Variants in GOPC observed in about 807,000 individuals in gnomAD.
GOPC encodes Golgi-associated PDZ and coiled-coil motif-containing protein.
A neutral mutation model predicts 51.2 loss-of-function variants in GOPC; 32 were observed. The observed-to-expected ratio is 0.63, with a 90% CI of 0.47 to 0.84. GOPC has a LOEUF of 0.84. GOPC is among the 40% of genes least tolerant of loss of function. GOPC has a pLI of 0.00. For missense variants in GOPC, 441 were observed against 555.5 expected, an observed-to-expected ratio of 0.79 and a Z score of 2.07; for synonymous variants, 190 against 205.1, an observed-to-expected ratio of 0.93 and a Z score of 0.63.
chr6:117,590,627 C>T (rs981376069), intron 1 of GOPC, among the ~76,000 whole-genome samples: 9 of 146,574 alleles, frequency 6.1e-5, no homozygotes, highest in African/African-American at 2.3e-4. Context: ...TGTGATGCAA[C>T]GTGTGGTAAG....
chr6:117,598,124 T>G (rs181624678), intron 1 of GOPC, among the ~76,000 whole-genome samples: 2 of 150,778 alleles, frequency 1.3e-5, no homozygotes, highest in South Asian at 4.2e-4. Flanking sequence ...TTCGAGAGGT[T>G]GAGGCAGGAG....
chr6:117,568,415 G>A (rs1394829222), intron 7 of GOPC, among the ~76,000 whole-genome samples: 1 of 152,122 alleles, frequency 6.6e-6, no homozygotes. Context: ...AGCAGTTTAA[G>A]GTTATACCTC....
chr6:117,572,283 T>C (rs1779817924), intron 5 of GOPC, among the ~76,000 whole-genome samples: 1 of 152,138 alleles, frequency 6.6e-6, no homozygotes, highest in Non-Finnish European at 1.5e-5. Context: ...TTTCACTATT[T>C]AACCAAAAGC....
chr6:117,577,202 G>A (rs555043140), intron 3 of GOPC, among the ~76,000 whole-genome samples: 1 of 152,116 alleles, frequency 6.6e-6, no homozygotes, highest in East Asian at 1.9e-4. Flanking sequence ...CTCAAAAATT[G>A]TCAAAAATTG....
At position 117,577,518 on chromosome 6, in the gene GOPC, A is replaced by T. The variant is rs545994217; in HGVS notation, c.451-47T>A. 38 of 1,482,124 alleles carry T rather than the reference A, an allele frequency of 2.6e-5. No individual in the cohort carries two copies. In the South Asian group the frequency reaches 4.6e-4, roughly 18 times the overall value. 91.8% of individuals were successfully genotyped at this position (1,482,124 alleles called of 1,614,324 possible). ...TTTATAATTAGAAAAAGATCAAACAAATGATTTTATTTAGTGGTATAGTCA... is the reference window on the plus strand; with the variant it reads ...TTTATAATTAGAAAAAGATCAAACATATGATTTTATTTAGTGGTATAGTCA... On this transcript the variant is annotated intron_variant, in intron 2 of 8. Coordinates refer to ENST00000368498, the MANE Select transcript of GOPC (RefSeq NM_020399.4).
chr6:117,573,112 A>T (rs536332295), intron 5 of GOPC, among the ~76,000 whole-genome samples: 9 of 152,196 alleles, frequency 5.9e-5, no homozygotes, highest in South Asian at 2.1e-4. Flanking sequence ...CTACCCCAAA[A>T]TATCTGCCAA....
intron 1 of GOPC, among the ~76,000 whole-genome samples, chr6:117,599,843 T>TA (rs1771962744): frequency 6.6e-6 from 1 of 152,232 alleles, no homozygotes; most frequent in Non-Finnish European, 1.5e-5. Flanking sequence ...CACAGCCTCC[T>TA]ACTGAGAAAA....
At chr6:117,589,349 C>T (rs1315585006) in intron 1 of GOPC, among the ~76,000 whole-genome samples, 1 of 152,206 alleles carries the variant, frequency 6.6e-6, no homozygotes, top group African/African-American at 2.4e-5. Flanking sequence ...GATGGAGTTT[C>T]ACTCTTGTTG....
chr6:117,570,075 G>A (rs1227775790), intron 6 of GOPC, among the ~76,000 whole-genome samples: 1 of 152,020 alleles, frequency 6.6e-6, no homozygotes, highest in East Asian at 1.9e-4. Context: ...TTCAATTTCA[G>A]AGAAGTTAAA....
At chr6:117,567,514 TTTC>T (rs1470736259) in intron 7 of GOPC, among the ~76,000 whole-genome samples, 2 of 152,304 alleles carry the variant, frequency 1.3e-5, no homozygotes, top group East Asian at 3.9e-4. Context: ...ATATAAATCT[TTTC>T]TTAACTAATT....
chr6:117,590,571 C>CAAAA (rs563071906), intron 1 of GOPC, among the ~76,000 whole-genome samples: 1 of 69,490 alleles, frequency 1.4e-5, no homozygotes, highest in Non-Finnish European at 2.9e-5. Flanking sequence ...GACCCTGTCT[C>CAAAA]AAAAAAAAAA....
chr6:117,571,069 G>T, intron 5 of GOPC, 114 bp from the exon 6 acceptor site: 1 of 466,890 alleles, frequency 2.1e-6, no homozygotes, highest in Non-Finnish European at 3.9e-6. Flanking sequence ...TCCTGGAATG[G>T]ATAAACAGTA....
At chr6:117,581,558 A>T (rs1487812014) in intron 1 of GOPC, among the ~76,000 whole-genome samples, 8 of 152,174 alleles carry the variant, frequency 5.3e-5, no homozygotes, top group African/African-American at 1.9e-4. Flanking sequence ...GGTAACCATC[A>T]GAGTATACAC....
intron 1 of GOPC, among the ~76,000 whole-genome samples, chr6:117,579,394 T>C (rs908352600): frequency 6.6e-6 from 1 of 152,090 alleles, no homozygotes; most frequent in African/African-American, 2.4e-5. Context: ...AACTATGAGG[T>C]GGTTCACCAT....
At position 117,573,604 on chromosome 6, in the gene GOPC, C is replaced by T; in HGVS notation, c.679G>A (p.Asp227Asn). The change falls in exon 5 of 9, where the codon GAT becomes AAT. Residue 227 changes from aspartate to asparagine, a missense_variant. Asp to Asn is a conservative substitution (Grantham distance 23). Coordinates refer to ENST00000368498, the MANE Select transcript of GOPC (RefSeq NM_020399.4). ...RVQQIQLLGRDMKGPAHDKLW... is the reference protein window; with the variant it reads ...RVQQIQLLGRNMKGPAHDKLW... ...TTATCATGAGCAGGTCCCTTCATAT[C>T]TCGTCCTAGCAATTGTATCTGTTGG... 1 of 1,613,784 alleles carries T rather than the reference C, an allele frequency of 6.2e-7. No individual in the cohort carries two copies. Among genetic ancestry groups the T allele is most frequent in the East Asian group, 2.2e-5 (1 of 44,866 alleles).
chr6:117,561,832 C>G lies in GOPC; in HGVS notation c.*1422G>C. The G allele has an allele frequency of 4.8e-6, 1 of 206,624 alleles. No homozygotes were observed. The highest frequency in any genetic ancestry group is 5.9e-5 in the Admixed American group (1 of 16,876). 12.8% of individuals were successfully genotyped at this position (206,624 alleles called of 1,614,324 possible). A position where few individuals can be genotyped will look rare whatever the true frequency, so the allele number is the denominator to read the frequency against. On this transcript the variant is annotated 3_prime_UTR_variant, in exon 9 of 9. Coordinates refer to ENST00000368498, the MANE Select transcript of GOPC (RefSeq NM_020399.4). ...GTTAAAACATTAAATTTATAAATAG[C>G]AAAACCACAAAATAAAGTATATACA...
At chr6:117,583,196 A>G (rs996124902) in intron 1 of GOPC, among the ~76,000 whole-genome samples, 2 of 152,188 alleles carry the variant, frequency 1.3e-5, no homozygotes, top group Admixed American at 1.3e-4. Flanking sequence ...GCAGCCAGCC[A>G]GTTCTCATAC....
chr6:117,595,199 T>G (rs946384533), intron 1 of GOPC, among the ~76,000 whole-genome samples: 4 of 152,190 alleles, frequency 2.6e-5, no homozygotes, highest in Non-Finnish European at 5.9e-5. Flanking sequence ...CACTATAAGG[T>G]ATGACTTATG....
intron 1 of GOPC, among the ~76,000 whole-genome samples, chr6:117,583,152 C>A (rs11967821): frequency 1.3e-5 from 2 of 152,006 alleles, no homozygotes; most frequent in African/African-American, 2.4e-5. Flanking sequence ...GCAGCAGACC[C>A]AAGTGAACCA....
Sources: gnomAD v4.1 joint callset for allele counts (sites outside exome capture counted in the v4.1 genomes callset) on GRCh38, gnomAD v4.1.1 for gene constraint, MANE v1.5 for transcripts, NCBI Gene and HGNC (gene_info 2026-07-23, HGNC 2026-07-21) for gene names.